KCNMA1: variants seen among roughly 807,000 people sequenced by gnomAD.
KCNMA1 encodes the protein potassium calcium-activated channel subfamily M alpha 1, also known as Calcium-activated potassium channel subunit alpha-1.
KCNMA1 carries 29 observed loss-of-function variants against 140.0 expected under a neutral mutation model. The ratio of observed to expected loss-of-function variants is 0.21; its 90% CI spans 0.15 to 0.28. The LOEUF (loss-of-function observed/expected upper bound fraction) is 0.28, where lower values mean the gene tolerates loss of function less well. Among genes scored for constraint, KCNMA1 ranks in the 10% least tolerant of loss-of-function variants. KCNMA1 has a pLI of 1.00. For synonymous variants in KCNMA1, 612 were observed against 611.9 expected (o/e 1.00, Z 0.00); for missense variants, 880 against 1,602.2 (o/e 0.55, Z 7.70).
In KCNMA1 at chr10:76,960,618, G is replaced by GTT. The variant is rs55685324; in HGVS notation, c.2361-6696_2361-6695dup. ...TGCACTTTGCAGATATTATGGTTTT[G>GTT]TTTTTTTTTTTTTTTTTTTTTTTTT... On this transcript the variant is annotated intron_variant, in intron 20 of 27. Coordinates refer to ENST00000286628, the MANE Select transcript of KCNMA1 (RefSeq NM_001161352.2). Among the ~76,000 whole-genome samples, 345 of 59,368 alleles carry GTT rather than the reference G, an allele frequency of 5.8e-3. 11 individuals carry two copies. The highest frequency in any genetic ancestry group is 0.013 in the African/African-American group (198 of 15,022). The allele number at this position is 59,368 out of a possible 152,430, so 38.9% of individuals were successfully genotyped here. A position where few individuals can be genotyped will look rare whatever the true frequency, so the allele number is the denominator to read the frequency against.
At chr10:77,488,230 G>A (rs1410590013) in intron 1 of KCNMA1, among the ~76,000 whole-genome samples, 1 of 152,192 alleles carries the variant, frequency 6.6e-6, no homozygotes, top group African/African-American at 2.4e-5. Flanking sequence ...ACCAAGTTGT[G>A]GCTGTGGCCA....
rs554471895 is a variant in KCNMA1 at position 77,579,755 on chromosome 10, C to A, written c.378+57510G>T. Among the ~76,000 whole-genome samples the A allele has an allele frequency of 3.9e-5, 6 of 152,154 alleles. No individual in the cohort carries two copies. In the South Asian group the frequency reaches 1.2e-3, roughly 32 times the overall value. On this transcript the variant is annotated intron_variant, in intron 1 of 27. Transcript: ENST00000286628. ...AGGTGTTATTCCAGAGGCTGGGAGA[C>A]CCTCAGGAGGCCCTTGTGATGGTTT...
rs77148120 is a variant in KCNMA1, at chr10:77,010,023, A to G, written c.2092+1944T>C. ...TGAAACCAAAAATAGCAGCTCATCC[A>G]AAGAAGATACTCAAAAATATGTGAA... On this transcript the variant is annotated intron_variant, in intron 18 of 27. Coordinates refer to ENST00000286628, the MANE Select transcript of KCNMA1 (RefSeq NM_001161352.2). Among the ~76,000 whole-genome samples the G allele has an allele frequency of 6.8e-3, 1,043 of 152,306 alleles. 3 individuals are homozygous for G. The highest frequency in any genetic ancestry group is 0.011 in the African/African-American group (456 of 41,578).
chr10:77,445,577 C>T (rs1004019303), intron 1 of KCNMA1, among the ~76,000 whole-genome samples: 4 of 151,958 alleles, frequency 2.6e-5, no homozygotes, highest in Admixed American at 1.3e-4. Context: ...GTTATTTTAG[C>T]GATGCAATGT....
At chr10:76,872,971 T>C (rs2031653316), downstream of KCNMA1, 1 of 152,172 alleles carries the variant, frequency 6.6e-6, no homozygotes, top group African/African-American at 2.4e-5. Flanking sequence ...CTTTTTGTGA[T>C]TAAAAAAATA....
chr10:77,637,573 T>G lies in KCNMA1; in HGVS notation c.70A>C (p.Arg24=), dbSNP rs1350886458. 1.5e-5 allele frequency: 23 copies of G among 1,538,090 alleles called. No homozygotes were observed. The highest frequency in any genetic ancestry group is 1.7e-4 in the Middle Eastern group (1 of 5,832). Residue 24 remains arginine, a synonymous_variant, in exon 1 of 28, where the codon AGA becomes CGA. Coordinates refer to ENST00000286628, the MANE Select transcript of KCNMA1 (RefSeq NM_001161352.2). The stretch of plus-strand genomic sequence containing the variant: ...TTCGCGTGGATATTGCTACTCATTC[T>G]AAGACTGCTGCCTCCGCCGCCGCCG... The part of the protein sequence containing the change: ...GGGGGGGSSL[R]MSSNIHANHL...
At chr10:77,570,743 T>A (rs1266882278) in intron 1 of KCNMA1, among the ~76,000 whole-genome samples, 1 of 149,050 alleles carries the variant, frequency 6.7e-6, no homozygotes, top group African/African-American at 2.5e-5. Context: ...ATAATAATAA[T>A]AAAAAAAAGA....
chr10:77,405,008 T>C (rs557837156), intron 1 of KCNMA1, among the ~76,000 whole-genome samples: 1 of 152,342 alleles, frequency 6.6e-6, no homozygotes, highest in African/African-American at 2.4e-5. Flanking sequence ...ACACCAGACC[T>C]TTCCAGTTAC....
At chr10:77,227,986 C>G (rs1269558656) in intron 3 of KCNMA1, among the ~76,000 whole-genome samples, 3 of 120,200 alleles carry the variant, frequency 2.5e-5, no homozygotes, top group African/African-American at 1.0e-4. Flanking sequence ...TTTTTTGAGA[C>G]GGAGTTTTGT....
intron 1 of KCNMA1, among the ~76,000 whole-genome samples, chr10:77,591,782 G>A (rs1365433272): frequency 6.6e-6 from 1 of 152,198 alleles, no homozygotes; most frequent in South Asian, 2.1e-4. Context: ...CCCAGCCCAG[G>A]ATGCCACAGC....
At chr10:77,148,235 A>G (rs1183972662) in intron 5 of KCNMA1, 1 of 152,234 alleles carries the variant, frequency 6.6e-6, no homozygotes, top group African/African-American at 2.4e-5. Context: ...AAACCTATAA[A>G]GCCAATTCAG....
At chr10:77,239,368 A>AT (rs2056600948) in intron 3 of KCNMA1, among the ~76,000 whole-genome samples, 2 of 152,138 alleles carry the variant, frequency 1.3e-5, no homozygotes, top group South Asian at 4.1e-4. Flanking sequence ...CATTTTCTGC[A>AT]TTTTCTGGCA....
intron 25 of KCNMA1, among the ~76,000 whole-genome samples, chr10:76,906,761 C>T (rs1295517860): frequency 6.6e-6 from 1 of 152,024 alleles, no homozygotes; most frequent in Non-Finnish European, 1.5e-5. Flanking sequence ...CTAGTTACTG[C>T]CTTGGCACTT....
rs533904271 is a variant in KCNMA1 at position 77,257,957 on chromosome 10, G to A, written c.541-6701C>T. On this transcript the variant is annotated intron_variant, in intron 2 of 27. Coordinates refer to ENST00000286628, the MANE Select transcript of KCNMA1 (RefSeq NM_001161352.2). ...ATGTCTTTATCAGCAGTGTGAAAAC[G>A]GACTAATATAACCAGGCACACAGGA... is the stretch of plus-strand genomic sequence containing the variant. Among the ~76,000 whole-genome samples the A allele has an allele frequency of 9.9e-5, 15 of 152,210 alleles. No homozygotes were observed. In the East Asian group the frequency reaches 2.3e-3, roughly 23 times the overall value.
chr10:77,230,337 T>C (rs2053160287), intron 3 of KCNMA1, among the ~76,000 whole-genome samples: 1 of 152,168 alleles, frequency 6.6e-6, no homozygotes, highest in South Asian at 2.1e-4. Context: ...CCTTTTGGGT[T>C]TACAGAAATG....
At chr10:77,072,524 C>G (rs1262823879) in intron 14 of KCNMA1, among the ~76,000 whole-genome samples, 3 of 151,038 alleles carry the variant, frequency 2.0e-5, no homozygotes, top group Non-Finnish European at 4.4e-5. Context: ...ATGAACACAT[C>G]CAGACCGCCT....
chr10:77,067,797 A>G (rs1291160716), intron 14 of KCNMA1, among the ~76,000 whole-genome samples: 1 of 152,210 alleles, frequency 6.6e-6, no homozygotes, highest in Non-Finnish European at 1.5e-5. Flanking sequence ...GAATGGAGCT[A>G]TGCAAACATG....
chr10:77,331,728 T>C (rs1184733509), intron 2 of KCNMA1, among the ~76,000 whole-genome samples: 1 of 151,620 alleles, frequency 6.6e-6, no homozygotes, highest in South Asian at 2.1e-4. Context: ...GATGTGAAGA[T>C]CCCTTGAGTC....
chr10:77,196,973 A>T (rs888619769), intron 3 of KCNMA1, among the ~76,000 whole-genome samples: 2 of 152,058 alleles, frequency 1.3e-5, no homozygotes, highest in Admixed American at 6.6e-5. Flanking sequence ...ATACAAGTTT[A>T]AAAAAAATAA....
Sources: gnomAD v4.1 joint callset for allele counts (sites outside exome capture counted in the v4.1 genomes callset) on GRCh38, gnomAD v4.1.1 for gene constraint, MANE v1.5 for transcripts, NCBI Gene and HGNC (gene_info 2026-07-23, HGNC 2026-07-21) for gene names.